The following C10orf90 variants were observed in gnomAD, a reference collection of about 807,000 sequenced individuals.
C10orf90 encodes (E2-independent) E3 ubiquitin-conjugating enzyme FATS.
Under a neutral mutation model 62.5 loss-of-function variants are expected in C10orf90, and 56 were observed. The observed-to-expected ratio is 0.90, with a 90% CI of 0.72 to 1.12. The LOEUF (loss-of-function observed/expected upper bound fraction) is 1.12, where lower values mean the gene tolerates loss of function less well. Among genes scored for constraint, C10orf90 ranks in the 50% most tolerant of loss-of-function variants. The pLI, the probability that C10orf90 is intolerant of heterozygous loss-of-function variation, is 0.00. For synonymous variants in C10orf90, 386 were observed against 340.4 expected, an observed-to-expected ratio of 1.13 and a Z score of -1.47; for missense variants, 970 against 880.4, an observed-to-expected ratio of 1.10 and a Z score of -1.29.
At chr10:126,499,374 A>G (rs1182254564) in intron 4 of C10orf90, among the ~76,000 whole-genome samples, 2 of 152,160 alleles carry the variant, frequency 1.3e-5, no homozygotes, top group African/African-American at 4.8e-5. Flanking sequence ...TTCACAAACA[A>G]AAGGGAAAAA....
intron 7 of C10orf90, among the ~76,000 whole-genome samples, chr10:126,446,743 G>C (rs1481376972): frequency 6.6e-6 from 1 of 152,140 alleles, no homozygotes; most frequent in Non-Finnish European, 1.5e-5. Context: ...TACTCTAATA[G>C]TGTAATGGTC....
intron 2 of C10orf90, among the ~76,000 whole-genome samples, chr10:126,578,527 G>C (rs1195362402): frequency 6.6e-6 from 1 of 152,180 alleles, no homozygotes; most frequent in Admixed American, 6.5e-5. Context: ...CTCAAGTAGT[G>C]CTGCTGGTGG....
chr10:126,666,999 A>G (rs1846642855), intron 1 of C10orf90, among the ~76,000 whole-genome samples: 1 of 150,684 alleles, frequency 6.6e-6, no homozygotes, highest in African/African-American at 2.5e-5. Context: ...AAAGTTCACT[A>G]TGATTCTACT....
intron 7 of C10orf90, among the ~76,000 whole-genome samples, chr10:126,454,623 G>C (rs549613573): frequency 5.3e-5 from 8 of 151,486 alleles, no homozygotes; most frequent in Non-Finnish European, 1.2e-4. Flanking sequence ...CCACCTGCGG[G>C]GACTATACCC....
intron 2 of C10orf90, among the ~76,000 whole-genome samples, chr10:126,588,838 G>C (rs1844926120): frequency 6.6e-6 from 1 of 152,190 alleles, no homozygotes; most frequent in Admixed American, 6.5e-5. Flanking sequence ...CAAGGGCACA[G>C]AAATGGGCTG....
intron 1 of C10orf90, among the ~76,000 whole-genome samples, chr10:126,656,519 T>C (rs1846397488): frequency 6.6e-6 from 1 of 152,224 alleles, no homozygotes; most frequent in African/African-American, 2.4e-5. Context: ...CCCTTGCTCC[T>C]CTGCTGCCTC....
At chr10:126,469,479 G>A (rs1397323213) in intron 4 of C10orf90, among the ~76,000 whole-genome samples, 5 of 152,126 alleles carry the variant, frequency 3.3e-5, no homozygotes, top group African/African-American at 1.2e-4. Flanking sequence ...GATGTTCTGG[G>A]CGGTGACGTT....
chr10:126,665,280 CT>C (rs1846603631), intron 1 of C10orf90, among the ~76,000 whole-genome samples: 2 of 152,136 alleles, frequency 1.3e-5, no homozygotes, highest in Non-Finnish European at 2.9e-5. Flanking sequence ...ACTCCAAAAG[CT>C]TTGATCTGGC....
At position 126,616,700 on chromosome 10, in the gene C10orf90, TC is replaced by T. The variant is rs1845548687; in HGVS notation, c.313+29864del. ...AGCTTCATCTTTCTGGTCTATACAA[TC>T]CATCTCCTTAATTAATGGCCATTCA... On this transcript the variant is annotated intron_variant, in intron 2 of 9. Transcript: ENST00000488181. Among the ~76,000 whole-genome samples the T allele has an allele frequency of 2.0e-5, 3 of 152,304 alleles. No homozygotes were observed. The South Asian group carries it at 6.2e-4, about 32-fold the overall frequency.
At chr10:126,661,659 G>GCT (rs560497526) in intron 1 of C10orf90, among the ~76,000 whole-genome samples, 51 of 147,790 alleles carry the variant, frequency 3.5e-4, no homozygotes, top group African/African-American at 1.3e-3. Context: ...TCTCACTCTT[G>GCT]CTCTCTCTCT....
intron 5 of C10orf90, chr10:126,463,356 G>C (rs1267606597): frequency 6.6e-6 from 1 of 152,368 alleles, no homozygotes; most frequent in Non-Finnish European, 1.5e-5. Context: ...CCCCAGCCGT[G>C]CTCCTCTCCC....
intron 2 of C10orf90, among the ~76,000 whole-genome samples, chr10:126,538,696 A>G (rs1014752200): frequency 1.3e-5 from 2 of 152,194 alleles, no homozygotes; most frequent in African/African-American, 4.8e-5. Context: ...CAGAGGAGTG[A>G]GTAACTTGTT....
chr10:126,444,829 G>C (rs532684362), intron 7 of C10orf90, among the ~76,000 whole-genome samples: 2 of 152,086 alleles, frequency 1.3e-5, no homozygotes, highest in Non-Finnish European at 2.9e-5. Context: ...TAGGCACATA[G>C]AACAATGGAA....
chr10:126,584,724 G>A (rs947979344), intron 2 of C10orf90, among the ~76,000 whole-genome samples: 3 of 152,128 alleles, frequency 2.0e-5, no homozygotes, highest in Non-Finnish European at 4.4e-5. Flanking sequence ...CTGATTTCTG[G>A]AACTTGGAGG....
chr10:126,627,243 A>G (rs1845764322), intron 2 of C10orf90, among the ~76,000 whole-genome samples: 1 of 151,696 alleles, frequency 6.6e-6, no homozygotes, highest in Admixed American at 6.6e-5. Context: ...CAAGTAATCT[A>G]CCCACCTCAG....
chr10:126,590,625 CTCTT>C (rs1326985927), intron 2 of C10orf90, among the ~76,000 whole-genome samples: 6 of 152,032 alleles, frequency 3.9e-5, no homozygotes, highest in African/African-American at 1.4e-4. Context: ...AATCAAGAAA[CTCTT>C]TGAAACTAAT....
chr10:126,527,970 T>C (rs570164255), intron 2 of C10orf90, among the ~76,000 whole-genome samples: 5 of 152,364 alleles, frequency 3.3e-5, no homozygotes, highest in African/African-American at 4.8e-5. Context: ...GTTACTATTA[T>C]AATTTAACAT....
intron 2 of C10orf90, among the ~76,000 whole-genome samples, chr10:126,621,964 C>G (rs1420646269): frequency 6.6e-6 from 1 of 152,132 alleles, no homozygotes; most frequent in Non-Finnish European, 1.5e-5. Context: ...CCACACCACC[C>G]CCTAACTGGC....
At chr10:126,654,425 A>G (rs1042125074) in intron 1 of C10orf90, among the ~76,000 whole-genome samples, 2 of 152,048 alleles carry the variant, frequency 1.3e-5, no homozygotes, top group African/African-American at 2.4e-5. Context: ...TCATGAACCA[A>G]CCTCTGCTAG....
Sources: allele counts gnomAD v4.1 joint callset (sites outside exome capture counted in the v4.1 genomes callset), GRCh38; gene constraint gnomAD v4.1.1; transcripts MANE v1.5; gene names NCBI Gene and HGNC (gene_info 2026-07-23, HGNC 2026-07-21).